ZNF208: variants seen among roughly 807,000 people sequenced by gnomAD.
ZNF208 encodes zinc finger protein 95.
ZNF208 carries 10 observed loss-of-function variants against 12.1 expected under a neutral mutation model. The observed-to-expected ratio is 0.83, with a 90% confidence interval of 0.51 to 1.40. The LOEUF (loss-of-function observed/expected upper bound fraction) is 1.40, where lower values mean the gene tolerates loss of function less well. ZNF208 is among the 40% of genes most tolerant of loss of function. The probability of loss-of-function intolerance (pLI) is 0.00; values close to 1 mark genes in which losing one functional copy is unlikely to be tolerated. For synonymous variants in ZNF208, 497 were observed against 488.4 expected (o/e 1.02, Z -0.23); for missense variants, 1,652 against 1,485.0 (o/e 1.11, Z -1.85).
At chr19:21,975,338 T>C (rs1355747412) in intron 3 of ZNF208, among the ~76,000 whole-genome samples, 3 of 152,172 alleles carry the variant, frequency 2.0e-5, no homozygotes, top group Admixed American at 2.0e-4. Flanking sequence ...CAAAGGTAAA[T>C]GCACTGCAGC....
chr19:21,979,267 A>G (rs1422519151), intron 3 of ZNF208, among the ~76,000 whole-genome samples: 1 of 152,172 alleles, frequency 6.6e-6, no homozygotes, highest in Non-Finnish European at 1.5e-5. Flanking sequence ...ACCCCAAGAC[A>G]CAGAATCGTC....
intron 4 of ZNF208, among the ~76,000 whole-genome samples, chr19:21,948,129 C>T (rs1330631889): frequency 6.6e-6 from 1 of 152,160 alleles, no homozygotes; most frequent in African/African-American, 2.4e-5. Context: ...CTTGTCTCCC[C>T]TTTTTCTAGA....
At position 21,945,906 on chromosome 19, in the gene ZNF208, GA is replaced by G. The variant is rs36107625; in HGVS notation, c.306-12670del. Among the ~76,000 whole-genome samples the G allele has an allele frequency of 7.7e-3, 1,155 of 149,240 alleles. 20 individuals are homozygous for G. Among genetic ancestry groups the G allele is most frequent in the African/African-American group, 0.026 (1,056 of 40,724 alleles). On this transcript the variant is annotated intron_variant, in intron 4 of 4. Coordinates refer to the ZNF208 transcript ENST00000599916. ...CCCACATAGCAGAAAAAGCAGCTTG[GA>G]AAAAAAAAAGCTCCAGACACTGTTA...
chr19:21,995,261 T>A (rs1970813529), intron 1 of ZNF208, among the ~76,000 whole-genome samples: 1 of 152,198 alleles, frequency 6.6e-6, no homozygotes, highest in South Asian at 2.1e-4. Flanking sequence ...CTGTTTCTTC[T>A]ATTTTTTTAT....
intron 3 of ZNF208, among the ~76,000 whole-genome samples, chr19:21,982,427 C>T (rs1277556897): frequency 7.3e-5 from 11 of 151,134 alleles, no homozygotes; most frequent in Middle Eastern, 3.5e-3. Context: ...ATGAAAATGG[C>T]CATACTGCCC....
At chr19:21,963,357 T>A (rs968512926), downstream of ZNF208, among the ~76,000 whole-genome samples, 20 of 152,098 alleles carry the variant, frequency 1.3e-4, no homozygotes, top group African/African-American at 4.8e-4. Context: ...GTACTATAAA[T>A]AAACAATCTT....
intron 4 of ZNF208, among the ~76,000 whole-genome samples, chr19:21,960,584 C>G (rs1403877512): frequency 2.0e-5 from 3 of 152,258 alleles, no homozygotes; most frequent in Middle Eastern, 3.4e-3. Context: ...TGCAGGGACT[C>G]TGATGTGTGC....
chr19:21,967,200 T>C lies in ZNF208; in HGVS notation c.*3991A>G, dbSNP rs1970187210. On this transcript the variant is annotated 3_prime_UTR_variant, in exon 4 of 4. Coordinates refer to ENST00000397126, the MANE Select transcript of ZNF208 (RefSeq NM_007153.3). The stretch of plus-strand genomic sequence containing the variant: ...AGCTTGGAGACTCACAGATCAAGTC[T>C]TTAATCTATATTGAGTTGTTTTTTT... The C allele has an allele frequency of 6.6e-6, 1 of 152,142 alleles. No homozygotes were observed. The highest frequency in any genetic ancestry group is 6.6e-5 in the Admixed American group (1 of 15,244). 9.4% of individuals were successfully genotyped at this position (152,142 alleles called of 1,614,324 possible). A position where few individuals can be genotyped will look rare whatever the true frequency, so the allele number is the denominator to read the frequency against.
At chr19:21,950,732 TG>T (rs1214542873) in intron 4 of ZNF208, among the ~76,000 whole-genome samples, 1 of 152,004 alleles carries the variant, frequency 6.6e-6, no homozygotes, top group African/African-American at 2.4e-5. Flanking sequence ...TGACCTCAGG[TG>T]ATCCACCCGC....
chr19:22,003,119 T>C (rs1365343637), intron 1 of ZNF208, among the ~76,000 whole-genome samples: 8 of 152,158 alleles, frequency 5.3e-5, no homozygotes, highest in African/African-American at 1.9e-4. Context: ...TAATAAATGG[T>C]GCTAGAATAA....
In ZNF208 at chr19:21,974,662, C is replaced by T; in HGVS notation, c.372G>A (p.Lys124=). 2 of 1,613,632 alleles carry T rather than the reference C, an allele frequency of 1.2e-6. No homozygotes were observed. Among genetic ancestry groups the T allele is most frequent in the Non-Finnish European group, 8.5e-7 (1 of 1,179,792 alleles). ...KIGYTNVDEC[K]VHKEGYNKLN... ...GTTTATTATAACCTTCTTTGTGCAC[C>T]TTACACTCATCCACATTGGTATAAC... is the stretch of plus-strand genomic sequence containing the variant. The change falls in exon 4 of 4, where the codon AAG becomes AAA. Residue 124 remains lysine (K), a synonymous_variant. Coordinates refer to ENST00000397126, the MANE Select transcript of ZNF208 (RefSeq NM_007153.3).
chr19:21,976,300 T>C (rs1348006627), intron 3 of ZNF208, among the ~76,000 whole-genome samples: 3 of 152,176 alleles, frequency 2.0e-5, no homozygotes, highest in Non-Finnish European at 2.9e-5. Flanking sequence ...TAAAATATAT[T>C]GTTGTATTTT....
chr19:21,944,268 T>C (rs980048458), intron 4 of ZNF208, among the ~76,000 whole-genome samples: 3 of 152,174 alleles, frequency 2.0e-5, no homozygotes, highest in Admixed American at 6.5e-5. Flanking sequence ...CCATGCCTAA[T>C]ATATTTGGCT....
rs1410737186 is a variant in ZNF208 at position 21,974,344 on chromosome 19, T to A, written c.690A>T (p.Arg230Ser). The change falls in exon 4 of 4, where the codon AGA becomes AGT. Residue 230 changes from arginine to serine, a missense_variant. This residue lies in a region of ZNF208 where 410 missense variants were observed against 378.2 expected (regional missense o/e 1.08). Coordinates refer to ENST00000397126, the MANE Select transcript of ZNF208 (RefSeq NM_007153.3). The part of the protein sequence containing the change: ...KSAHTGEKPY[R>S]CKECGKAFSK... ...TAAAGGCTTTGCCACATTCTTTACA[T>A]CTGTAGGGTTTCTCTCCAGTATGAG... The A allele has an allele frequency of 6.2e-7, 1 of 1,613,740 alleles. No individual in the cohort carries two copies. The highest frequency in any genetic ancestry group is 1.1e-5 in the South Asian group (1 of 91,076).
chr19:21,982,242 C>G (rs1970554663), intron 3 of ZNF208, among the ~76,000 whole-genome samples: 2 of 151,440 alleles, frequency 1.3e-5, no homozygotes, highest in African/African-American at 2.4e-5. Flanking sequence ...CCTGTAGTCC[C>G]AGCTACTCGG....
chr19:21,995,552 C>T (rs560665586), intron 1 of ZNF208, among the ~76,000 whole-genome samples: 1 of 152,288 alleles, frequency 6.6e-6, no homozygotes, highest in Non-Finnish European at 1.5e-5. Flanking sequence ...TGAACCTGGG[C>T]TGATGGTCCA....
chr19:21,969,839 T>A lies in ZNF208; in HGVS notation c.*1352A>T, dbSNP rs1176885908. ...GATCTAGTGACAGTGATTGCACTTT[T>A]AATACTTTTATTTAGTATGAACTCT... On this transcript the variant is annotated 3_prime_UTR_variant, in exon 4 of 4. Transcript: ENST00000397126. Among the ~76,000 whole-genome samples, 1 of 152,216 alleles carries A rather than the reference T, an allele frequency of 6.6e-6. No homozygotes were observed. Among genetic ancestry groups the A allele is most frequent in the African/African-American group, 2.4e-5 (1 of 41,468 alleles).
At chr19:21,957,791 A>G (rs1315481274) in intron 4 of ZNF208, among the ~76,000 whole-genome samples, 3 of 151,976 alleles carry the variant, frequency 2.0e-5, no homozygotes, top group African/African-American at 2.4e-5. Context: ...TTTGCAAACA[A>G]TTCAGTCTAT....
Position 21,972,069 on chromosome 19 carries a change from T to C in ZNF208, c.2965A>G (p.Thr989Ala). The C allele has an allele frequency of 6.2e-7, 1 of 1,613,718 alleles. No homozygotes were observed. Among genetic ancestry groups the C allele is most frequent in the Non-Finnish European group, 8.5e-7 (1 of 1,179,886 alleles). The change falls in exon 4 of 4, where the codon ACT becomes GCT. Residue 989 changes from threonine to alanine, a missense_variant. Physicochemically the swap from Thr to Ala is moderately conservative, Grantham distance 58. This residue lies in a region of ZNF208 where 1,239 missense variants were observed against 1,086.2 expected (regional missense o/e 1.14). Transcript: ENST00000397126. ...GKGFSTFSILTKHKVIHTGEK... is the reference protein window; with the variant it reads ...GKGFSTFSILAKHKVIHTGEK... The stretch of plus-strand genomic sequence containing the variant: ...CCAGTATGAATTACCTTATGTTTAG[T>C]AAGGATTGAGAATGTACTAAAGCCT...
Sources: allele counts gnomAD v4.1 joint callset (sites outside exome capture counted in the v4.1 genomes callset), GRCh38; gene constraint gnomAD v4.1.1; regional missense constraint gnomAD v4.1.1; transcripts MANE v1.5; gene names NCBI Gene and HGNC (gene_info 2026-07-23, HGNC 2026-07-21).